TJP1: variants seen among roughly 807,000 people sequenced by gnomAD.
TJP1 encodes tight junction protein 1.
A neutral mutation model predicts 194.2 loss-of-function variants in TJP1; 43 were observed. That is an observed-to-expected ratio of 0.22 (90% CI 0.17 to 0.29). The LOEUF (loss-of-function observed/expected upper bound fraction) is 0.29, where lower values mean the gene tolerates loss of function less well. Among genes scored for constraint, TJP1 ranks in the 10% least tolerant of loss-of-function variants. TJP1 has a pLI of 1.00. For synonymous variants in TJP1, 801 were observed against 779.0 expected (o/e 1.03, Z -0.47); for missense variants, 1,971 against 2,185.7 (o/e 0.90, Z 1.96).
intron 1 of TJP1, among the ~76,000 whole-genome samples, chr15:29,964,788 G>A (rs1054157667): frequency 6.6e-6 from 1 of 152,170 alleles, no homozygotes; most frequent in African/African-American, 2.4e-5. Flanking sequence ...GCTTTGTTCT[G>A]TGTTCCTAAG....
At chr15:29,924,799 A>G (rs967277396) in intron 2 of TJP1, among the ~76,000 whole-genome samples, 1 of 151,524 alleles carries the variant, frequency 6.6e-6, no homozygotes, top group African/African-American at 2.4e-5. Context: ...TCTTAACCCT[A>G]GGGCCGGTTT....
chr15:29,905,059 A>G (rs1418207099), intron 2 of TJP1, among the ~76,000 whole-genome samples: 3 of 152,200 alleles, frequency 2.0e-5, no homozygotes, highest in Non-Finnish European at 2.9e-5. Context: ...GTGAAAGGAT[A>G]CATTTTTGTT....
intron 1 of TJP1, among the ~76,000 whole-genome samples, chr15:29,958,998 GT>G (rs1299219191): frequency 1.5e-5 from 2 of 137,386 alleles, no homozygotes; most frequent in African/African-American, 5.5e-5. Flanking sequence ...TTTTTTTTTT[GT>G]TTTTTTTTGA....
chr15:29,912,221 C>A (rs775740126), intron 2 of TJP1, among the ~76,000 whole-genome samples: 2 of 152,198 alleles, frequency 1.3e-5, no homozygotes, highest in Admixed American at 6.5e-5. Flanking sequence ...ACTCTCACGG[C>A]CTAATCACCT....
At chr15:29,797,771 T>TA (rs1461302839) in intron 2 of TJP1, among the ~76,000 whole-genome samples, 1 of 152,064 alleles carries the variant, frequency 6.6e-6, no homozygotes, top group Admixed American at 6.6e-5. Flanking sequence ...ACATAGAGCT[T>TA]AAAAATGGGC....
At chr15:29,811,842 G>A (rs2151950479) in intron 1 of TJP1, among the ~76,000 whole-genome samples, 1 of 145,170 alleles carries the variant, frequency 6.9e-6, no homozygotes, top group South Asian at 2.3e-4. Context: ...CTAACCTACA[G>A]GCTGATCTCT....
At chr15:29,959,356 T>C (rs2056073283) in intron 1 of TJP1, among the ~76,000 whole-genome samples, 1 of 152,132 alleles carries the variant, frequency 6.6e-6, no homozygotes, top group Non-Finnish European at 1.5e-5. Flanking sequence ...CCTTTTTTTC[T>C]TCTGAAAATC....
intron 2 of TJP1, among the ~76,000 whole-genome samples, chr15:29,865,241 G>T (rs909934980): frequency 1.3e-5 from 2 of 152,114 alleles, no homozygotes; most frequent in Non-Finnish European, 2.9e-5. Flanking sequence ...AACAGTTACC[G>T]ACAGTAGCAA....
At chr15:29,960,234 TAGTC>T (rs1467663751) in intron 1 of TJP1, among the ~76,000 whole-genome samples, 1 of 152,164 alleles carries the variant, frequency 6.6e-6, no homozygotes, top group Admixed American at 6.5e-5. Context: ...AAATGGCAGA[TAGTC>T]AAGAAATTTA....
chr15:29,944,319 C>T (rs914052630), intron 2 of TJP1, among the ~76,000 whole-genome samples: 2 of 151,634 alleles, frequency 1.3e-5, no homozygotes, highest in South Asian at 2.1e-4. Flanking sequence ...ATGGTCTCGA[C>T]CTCCTGACCT....
intron 2 of TJP1, among the ~76,000 whole-genome samples, chr15:29,883,318 T>C (rs1276078248): frequency 5.3e-5 from 8 of 152,228 alleles, no homozygotes; most frequent in African/African-American, 1.9e-4. Context: ...TCAGGGAGCC[T>C]TGTTGACTGC....
intron 2 of TJP1, among the ~76,000 whole-genome samples, chr15:29,922,124 G>C (rs991103115): frequency 6.6e-6 from 1 of 152,118 alleles, no homozygotes; most frequent in Non-Finnish European, 1.5e-5. Context: ...CGGGATTACA[G>C]GTGTGAGCCA....
chr15:29,952,599 A>G (rs1596318873), intron 2 of TJP1, among the ~76,000 whole-genome samples: 1 of 152,196 alleles, frequency 6.6e-6, no homozygotes, highest in African/African-American at 2.4e-5. Flanking sequence ...TCTAAAAGCA[A>G]TAAAAGTTGT....
chr15:29,802,286 A>C (rs1401199172), intron 1 of TJP1, among the ~76,000 whole-genome samples: 2 of 152,192 alleles, frequency 1.3e-5, no homozygotes, highest in African/African-American at 2.4e-5. Flanking sequence ...CATCATGAGA[A>C]TATGCCTACC....
At chr15:29,938,718 T>C (rs2054966156) in intron 2 of TJP1, among the ~76,000 whole-genome samples, 1 of 152,230 alleles carries the variant, frequency 6.6e-6, no homozygotes, top group Non-Finnish European at 1.5e-5. Flanking sequence ...ACAATGAAAA[T>C]AACTTTAAAT....
chr15:29,863,923 T>C (rs1327167430), intron 2 of TJP1, among the ~76,000 whole-genome samples: 1 of 152,156 alleles, frequency 6.6e-6, no homozygotes, highest in African/African-American at 2.4e-5. Flanking sequence ...CTGTGTTTTC[T>C]TTCCTGCTGA....
chr15:29,726,388 G>A lies in TJP1; in HGVS notation c.2403C>T (p.Ser801=), dbSNP rs2229516. ...ATAGGAAATGTCTTACCTTTCCCTC[G>A]GAAACCCATACCAGCTGGTTTTGCT... The part of the protein sequence containing the change: ...QQQQNQLVWV[S]EGKADGATSD... The change falls in exon 18 of 28, where the codon TCC becomes TCT. Residue 801 remains serine, a synonymous_variant. Transcript: ENST00000614355. The A allele has an allele frequency of 4.2e-5, 68 of 1,613,742 alleles. 2 individuals are homozygous for A. Among genetic ancestry groups the A allele is most frequent in the Admixed American group, 1.7e-4 (10 of 59,990 alleles).
intron 1 of TJP1, among the ~76,000 whole-genome samples, chr15:29,817,213 C>T (rs1007193465): frequency 1.3e-5 from 2 of 152,006 alleles, no homozygotes; most frequent in Admixed American, 6.6e-5. Flanking sequence ...TTTATGCGGC[C>T]AACAAACATA....
chr15:29,841,688 G>T (rs1167855629), intron 2 of TJP1, among the ~76,000 whole-genome samples: 1 of 151,732 alleles, frequency 6.6e-6, no homozygotes, highest in Non-Finnish European at 1.5e-5. Flanking sequence ...CAAAATTGGA[G>T]CCCCTGTTTT....
Sources: allele counts gnomAD v4.1 joint callset (sites outside exome capture counted in the v4.1 genomes callset), GRCh38; gene constraint gnomAD v4.1.1; transcripts MANE v1.5; gene names NCBI Gene and HGNC (gene_info 2026-07-23, HGNC 2026-07-21).